The following KIF14 variants were observed in gnomAD, a reference collection of about 807,000 sequenced individuals.
KIF14 encodes kinesin-like protein KIF14.
Under a neutral mutation model 176.2 loss-of-function variants are expected in KIF14, and 98 were observed. The observed-to-expected ratio is 0.56, with a 90% CI of 0.47 to 0.66. The LOEUF is 0.66. Ranked by LOEUF, KIF14 falls within the 30% of genes least tolerant of loss-of-function variation. The pLI is 0.00. For missense variants in KIF14, 1,751 were observed against 1,920.4 expected (o/e 0.91, Z 1.65); for synonymous variants, 566 against 632.2 (o/e 0.90, Z 1.57).
chr1:200,613,778 C>A (rs1660272753), intron 4 of KIF14, among the ~76,000 whole-genome samples: 2 of 151,668 alleles, frequency 1.3e-5, no homozygotes, highest in Admixed American at 6.6e-5. Flanking sequence ...AAAAAAAAAA[C>A]TGATCTAACA....
chr1:200,588,211 G>A (rs889525296), intron 18 of KIF14, among the ~76,000 whole-genome samples: 3 of 151,028 alleles, frequency 2.0e-5, no homozygotes, highest in African/African-American at 7.3e-5. Flanking sequence ...TCTGGAGTGC[G>A]GCCTAAAAAT....
chr1:200,575,116 C>T (rs547768189), intron 22 of KIF14, among the ~76,000 whole-genome samples: 4 of 151,758 alleles, frequency 2.6e-5, no homozygotes, highest in South Asian at 4.2e-4. Flanking sequence ...GCTCCCACAC[C>T]GGGCTAATTT....
In KIF14 at chr1:200,618,129, T is replaced by C. The variant is rs765579360; in HGVS notation, c.595A>G (p.Thr199Ala). ...EMMADKKYKE[T>A]FSAPSRANEN... ...TTTGCTCTACTGGGGGCAGAAAATG[T>C]TTCTTTGTATTTCTTATCAGCCATC... Residue 199 changes from threonine to alanine, a missense_variant, in exon 2 of 30, where the codon ACA becomes GCA. Thr to Ala is a moderately conservative substitution (Grantham distance 58). Coordinates refer to ENST00000367350, the MANE Select transcript of KIF14 (RefSeq NM_014875.3). 6.2e-7 allele frequency: 1 copy of C among 1,613,950 alleles called. No homozygotes were observed. Among genetic ancestry groups the C allele is most frequent in the African/African-American group, 1.3e-5 (1 of 74,936 alleles).
chr1:200,606,920 A>G, intron 5 of KIF14, 122 bp from the exon 6 acceptor site: 1 of 832,268 alleles, frequency 1.2e-6, no homozygotes, highest in Non-Finnish European at 1.9e-6. Context: ...TATCCAGGAA[A>G]AAAAAAAACC....
intron 21 of KIF14, 111 bp downstream of exon 21, chr1:200,580,143 T>G: frequency 2.0e-6 from 1 of 501,230 alleles, no homozygotes; most frequent in Non-Finnish European, 3.1e-6. Flanking sequence ...ATTTTCTATA[T>G]GGAGAATATG....
intron 14 of KIF14, 30 bp downstream of exon 14, chr1:200,598,207 C>T (rs1251722187): frequency 6.3e-7 from 1 of 1,583,262 alleles, no homozygotes; most frequent in Non-Finnish European, 8.6e-7. Context: ...GAACAGGTGC[C>T]TTTTCTTTTT....
chr1:200,554,027 T>C (rs889479647), intron 29 of KIF14, among the ~76,000 whole-genome samples: 2 of 152,212 alleles, frequency 1.3e-5, no homozygotes, highest in Admixed American at 1.3e-4. Context: ...TATGGGTAAC[T>C]AATATCAGTG....
intron 22 of KIF14, among the ~76,000 whole-genome samples, chr1:200,571,486 C>A (rs1237007459): frequency 2.0e-5 from 3 of 152,150 alleles, no homozygotes; most frequent in Non-Finnish European, 4.4e-5. Flanking sequence ...TTTCTAAACC[C>A]AAACTCCAAT....
chr1:200,610,300 A>G (rs139013779), intron 4 of KIF14, among the ~76,000 whole-genome samples: 312 of 152,264 alleles, frequency 2.0e-3, no homozygotes, highest in African/African-American at 6.7e-3. Flanking sequence ...GGGGATCGAG[A>G]CCATCCTGGC....
intron 18 of KIF14, among the ~76,000 whole-genome samples, chr1:200,588,639 C>T (rs4504918): frequency 0.81 from 123,407 of 152,182 alleles, 50,283 homozygotes; most frequent in African/African-American, 0.9. Context: ...GCCCAAAATA[C>T]TGACAGTAAG....
At chr1:200,596,177 C>T (rs1659329137) in intron 14 of KIF14, among the ~76,000 whole-genome samples, 1 of 151,858 alleles carries the variant, frequency 6.6e-6, no homozygotes, top group Non-Finnish European at 1.5e-5. Context: ...TTGCTCGACT[C>T]CAGGAGGTTG....
In KIF14 at chr1:200,593,506, T is replaced by C. The variant is rs116483742; in HGVS notation, c.2652+161A>G. ...ATTCATATAAATGTAACTTTTGTCT[T>C]TGCACAAGAAAGCAATTAATAGGAA... On this transcript the variant is annotated intron_variant, in intron 15 of 29. Transcript: ENST00000367350. Among the ~76,000 whole-genome samples, 485 of 152,304 alleles carry C rather than the reference T, an allele frequency of 3.2e-3. 3 individuals are homozygous for C. The highest frequency in any genetic ancestry group is 0.011 in the African/African-American group (444 of 41,552).
chr1:200,574,128 G>C (rs1166267416), intron 22 of KIF14, among the ~76,000 whole-genome samples: 1 of 152,186 alleles, frequency 6.6e-6, no homozygotes, highest in Non-Finnish European at 1.5e-5. Flanking sequence ...TACTAGGTAA[G>C]ATAAGGCTTA....
rs1659578027 is a variant in KIF14 at position 200,600,607 on chromosome 1, A to G, written c.2153-104T>C. The stretch of plus-strand genomic sequence containing the variant: ...TTCTATTTCATTTGAAGTTTTAAAT[A>G]CAGTATTACTAAATAAAATAGAATA... On this transcript the variant is annotated intron_variant, in intron 11 of 29. Coordinates refer to ENST00000367350, the MANE Select transcript of KIF14 (RefSeq NM_014875.3). 4 of 753,934 alleles carry G rather than the reference A, an allele frequency of 5.3e-6. 1 individual carries two copies. In the South Asian group the frequency reaches 7.3e-5, roughly 14 times the overall value. The allele number at this position is 753,934 out of a possible 1,614,324, so 46.7% of individuals were successfully genotyped here.
chr1:200,554,706 G>C, intron 28 of KIF14, 100 bp from the exon 29 acceptor site: 2 of 637,166 alleles, frequency 3.1e-6, no homozygotes, highest in Non-Finnish European at 2.6e-6. Flanking sequence ...TTCTCTTTAA[G>C]AAAGAGAGTT....
intron 27 of KIF14, among the ~76,000 whole-genome samples, chr1:200,556,814 C>T (rs1656854935): frequency 6.6e-6 from 1 of 152,122 alleles, no homozygotes; most frequent in Admixed American, 6.6e-5. Context: ...GGTGCTGCTG[C>T]TGAGCAAAAC....
chr1:200,553,692 T>G lies in KIF14; in HGVS notation c.4643A>C (p.Asp1548Ala), dbSNP rs766544800. 6 of 1,613,502 alleles carry G rather than the reference T, an allele frequency of 3.7e-6. No homozygotes were observed. Residue 1548 changes from aspartate (D) to alanine (A), a missense_variant, in exon 30 of 30, where the codon GAC becomes GCC. Physicochemically the swap from Asp to Ala is moderately radical, Grantham distance 126. Transcript: ENST00000367350. The stretch of plus-strand genomic sequence containing the variant: ...AACAGAAGTAGAAGGCACACTGAAG[T>G]CACTGTAAAAATCACTGGCCAAGTT... ...IRNLASDFYS[D>A]FSVPSTSVGS...
intron 25 of KIF14, among the ~76,000 whole-genome samples, chr1:200,561,874 A>G (rs1461785824): frequency 1.3e-5 from 2 of 152,204 alleles, no homozygotes; most frequent in Non-Finnish European, 2.9e-5. Flanking sequence ...CAGTTAATAA[A>G]GATATGATTT....
Position 200,552,920 on chromosome 1 carries a change from TTTA to T in KIF14, c.*465_*467del, listed in dbSNP as rs1558038056. On this transcript the variant is annotated 3_prime_UTR_variant, in exon 30 of 30. Coordinates refer to ENST00000367350, the MANE Select transcript of KIF14 (RefSeq NM_014875.3). ...ACTTTAAAGATAAAAATATATTTTA[TTTA>T]TTTATTTATTTATTTATTTATTTAT... 4.7e-4 allele frequency: 2 copies of T among 4,280 alleles called. No homozygotes were observed. The highest frequency in any genetic ancestry group is 1.0e-3 in the Non-Finnish European group (2 of 1,996). 0.3% of individuals were successfully genotyped at this position (4,280 alleles called of 1,614,324 possible).
Sources: allele counts gnomAD v4.1 joint callset (sites outside exome capture counted in the v4.1 genomes callset), GRCh38; gene constraint gnomAD v4.1.1; transcripts MANE v1.5; gene names NCBI Gene and HGNC (gene_info 2026-07-23, HGNC 2026-07-21).